The following SAMMSON variants were observed in gnomAD, a reference collection of about 807,000 sequenced individuals.
SAMMSON encodes the protein survival associated mitochondrial melanoma specific oncogenic non-coding RNA, also known as long intergenic non-protein coding RNA 1212.
intron 4 of SAMMSON, among the ~76,000 whole-genome samples, chr3:70,162,648 A>G (rs1231725797): frequency 6.6e-6 from 1 of 151,926 alleles, no homozygotes; most frequent in African/African-American, 2.4e-5. Context: ...ATGATAGATC[A>G]AGTTGGTTGG....
intron 2 of SAMMSON, among the ~76,000 whole-genome samples, chr3:70,417,054 T>G (rs1159285168): frequency 6.6e-6 from 1 of 152,060 alleles, no homozygotes; most frequent in East Asian, 1.9e-4. Flanking sequence ...AGCCCGGACC[T>G]CAGAATCATC....
intron 4 of SAMMSON, among the ~76,000 whole-genome samples, chr3:70,114,594 T>C (rs2067402513): frequency 1.3e-5 from 2 of 152,250 alleles, no homozygotes; most frequent in African/African-American, 2.4e-5. Flanking sequence ...TATATTTTAC[T>C]GCACCTTCGT....
At chr3:70,098,369 T>C (rs772448591) in intron 4 of SAMMSON, among the ~76,000 whole-genome samples, 1 of 152,068 alleles carries the variant, frequency 6.6e-6, no homozygotes, top group Non-Finnish European at 1.5e-5. Flanking sequence ...CTTTTTCTTT[T>C]TTCTTTCTTT....
chr3:70,341,389 C>T (rs988024941), intron 7 of SAMMSON, among the ~76,000 whole-genome samples: 1 of 151,926 alleles, frequency 6.6e-6, no homozygotes, highest in Non-Finnish European at 1.5e-5. Flanking sequence ...CAATCAAAAC[C>T]CTGATTTTTT....
At chr3:70,258,616 A>G (rs12497885) in intron 6 of SAMMSON, among the ~76,000 whole-genome samples, 12,644 of 152,184 alleles carry the variant, frequency 0.083, 838 homozygotes, top group East Asian at 0.36. Context: ...TAAAATATTC[A>G]TATGCTCTGA....
Position 70,169,460 on chromosome 3 carries a change from C to T in SAMMSON, n.508-79647C>T, listed in dbSNP as rs7646933. ...TTAGGGTGATATTTCCTTAACATCT[C>T]CTTTTCATATTGTGCAATTCACACT... is the stretch of plus-strand genomic sequence containing the variant. On this transcript the variant is annotated intron_variant and non_coding_transcript_variant, in intron 4 of 9. Coordinates refer to ENST00000642114, the Ensembl canonical transcript of SAMMSON. 6.4e-3 allele frequency among the ~76,000 whole-genome samples: 976 copies of T among 151,896 alleles called. 5 individuals are homozygous for T. The highest frequency in any genetic ancestry group is 0.021 in the African/African-American group (852 of 41,482).
chr3:70,399,627 A>G (rs1341578855), intron 2 of SAMMSON, among the ~76,000 whole-genome samples: 1 of 152,154 alleles, frequency 6.6e-6, no homozygotes, highest in African/African-American at 2.4e-5. Flanking sequence ...GCACTTTGGG[A>G]GGCCAAGGCA....
intron 9 of SAMMSON, among the ~76,000 whole-genome samples, chr3:70,369,731 G>T (rs1006344019): frequency 1.3e-4 from 19 of 151,708 alleles, no homozygotes; most frequent in Non-Finnish European, 2.7e-4. Context: ...GTGATATTTT[G>T]TTACATTCCT....
Position 70,287,872 on chromosome 3 carries a change from G to A in SAMMSON, n.675-3307G>A, listed in dbSNP as rs1017179541. Among the ~76,000 whole-genome samples, 25 of 152,060 alleles carry A rather than the reference G, an allele frequency of 1.6e-4. No individual in the cohort carries two copies. The South Asian group carries it at 5.0e-3, about 30-fold the overall frequency. ...GAGGTGTTTGTAGTATTCTCTGATGGTAGTTTGTATTTCTGTGGGATCAGT... is the reference window on the plus strand; with the variant it reads ...GAGGTGTTTGTAGTATTCTCTGATGATAGTTTGTATTTCTGTGGGATCAGT... On this transcript the variant is annotated intron_variant and non_coding_transcript_variant, in intron 6 of 9. Transcript: ENST00000642114.
At chr3:70,175,666 A>G (rs1701004274) in intron 4 of SAMMSON, among the ~76,000 whole-genome samples, 1 of 152,116 alleles carries the variant, frequency 6.6e-6, no homozygotes, top group African/African-American at 2.4e-5. Flanking sequence ...CTCTTACCCC[A>G]GTTGCTCTAC....
At chr3:70,420,573 T>G (rs887207766) in intron 2 of SAMMSON, among the ~76,000 whole-genome samples, 2 of 152,222 alleles carry the variant, frequency 1.3e-5, no homozygotes, top group Non-Finnish European at 2.9e-5. Context: ...AACAGACTTT[T>G]CCTAAAGGGT....
Position 70,066,677 on chromosome 3 carries a change from T to C in SAMMSON, n.418-4799T>C, listed in dbSNP as rs191755970. On this transcript the variant is annotated intron_variant and non_coding_transcript_variant, in intron 3 of 9. Transcript: ENST00000642114. ...TCTCTTTTATGCTGCTGGTAAAAAA[T>C]AGATTGAAGAGAATGATTTGATTTC... Among the ~76,000 whole-genome samples the C allele has an allele frequency of 3.3e-3, 502 of 152,166 alleles. 1 individual carries two copies. The highest frequency in any genetic ancestry group is 0.012 in the African/African-American group (488 of 41,538).
At chr3:70,376,025 T>C (rs1703011338) in intron 9 of SAMMSON, among the ~76,000 whole-genome samples, 1 of 152,142 alleles carries the variant, frequency 6.6e-6, no homozygotes, top group Admixed American at 6.6e-5. Context: ...GGTGAAAAAA[T>C]GCTAACATAG....
At chr3:70,335,679 C>T (rs1702655199) in intron 7 of SAMMSON, among the ~76,000 whole-genome samples, 1 of 151,854 alleles carries the variant, frequency 6.6e-6, no homozygotes, top group South Asian at 2.1e-4. Flanking sequence ...TAGTCAATAT[C>T]CTGGGTTCAT....
intron 4 of SAMMSON, among the ~76,000 whole-genome samples, chr3:70,239,261 A>G (rs929048995): frequency 6.6e-6 from 1 of 152,130 alleles, no homozygotes; most frequent in Non-Finnish European, 1.5e-5. Flanking sequence ...CTTGATTTCA[A>G]AGATTGTTTT....
At position 70,203,085 on chromosome 3, in the gene SAMMSON, C is replaced by T. The variant is rs1245899910; in HGVS notation, n.508-46022C>T. Reference sequence around the variant, plus strand: ...AGCTGCTGAAGCACACCTCCTGCTACCCCAGGACTCCTTATCCTAAGTGGC... The same window carrying T: ...AGCTGCTGAAGCACACCTCCTGCTATCCCAGGACTCCTTATCCTAAGTGGC... On this transcript the variant is annotated intron_variant and non_coding_transcript_variant, in intron 4 of 9. Coordinates refer to ENST00000642114, the Ensembl canonical transcript of SAMMSON. 5.3e-5 allele frequency among the ~76,000 whole-genome samples: 8 copies of T among 152,188 alleles called. No individual in the cohort carries two copies. The South Asian group carries it at 1.2e-3, about 24-fold the overall frequency.
chr3:70,205,128 TA>T (rs1437714686), intron 4 of SAMMSON: 1 of 152,028 alleles, frequency 6.6e-6, no homozygotes, highest in Admixed American at 6.6e-5. Flanking sequence ...AAAAAATAAA[TA>T]AAAGTAATTA....
intron 9 of SAMMSON, among the ~76,000 whole-genome samples, chr3:70,359,143 G>A (rs1265370718): frequency 6.6e-6 from 1 of 151,950 alleles, no homozygotes; most frequent in Non-Finnish European, 1.5e-5. Flanking sequence ...TTGCAAAAAT[G>A]ATTATTCTTG....
chr3:70,119,244 T>G (rs2067423380), intron 4 of SAMMSON, among the ~76,000 whole-genome samples: 1 of 152,050 alleles, frequency 6.6e-6, no homozygotes, highest in African/African-American at 2.4e-5. Context: ...TTTTTATATT[T>G]TTAGTAGAGA....
Sources: gnomAD v4.1 joint callset for allele counts (sites outside exome capture counted in the v4.1 genomes callset) on GRCh38, gnomAD v4.1.1 for gene constraint, MANE v1.5 for transcripts, NCBI Gene and HGNC (gene_info 2026-07-23, HGNC 2026-07-21) for gene names.